Variants in CCSER1 observed in about 807,000 individuals in gnomAD.
The protein encoded by CCSER1 is serine-rich coiled-coil domain-containing protein 1.
A neutral mutation model predicts 82.0 loss-of-function variants in CCSER1; 41 were observed. The observed-to-expected ratio is 0.50, with a 90% CI of 0.39 to 0.65. CCSER1 has a LOEUF of 0.65. CCSER1 is among the 30% of genes least tolerant of loss of function. The pLI is 0.00. For missense variants in CCSER1, 1,119 were observed against 1,064.2 expected, an observed-to-expected ratio of 1.05 and a Z score of -0.72; for synonymous variants, 414 against 383.9, an observed-to-expected ratio of 1.08 and a Z score of -0.92.
intron 10 of CCSER1, among the ~76,000 whole-genome samples, chr4:91,397,524 T>TGG (rs1163378919): frequency 6.6e-6 from 1 of 152,062 alleles, no homozygotes; most frequent in African/African-American, 2.4e-5. Context: ...ACAGCAGCAC[T>TGG]GGATTAATTA....
At chr4:90,654,678 GCCTAAC>G (rs1729388922) in intron 6 of CCSER1, among the ~76,000 whole-genome samples, 1 of 151,838 alleles carries the variant, frequency 6.6e-6, no homozygotes, top group Non-Finnish European at 1.5e-5. Flanking sequence ...TTTATTGTAC[GCCTAAC>G]CCTCTCTCAG....
intron 4 of CCSER1, among the ~76,000 whole-genome samples, chr4:90,424,587 G>GAT (rs751789264): frequency 2.0e-5 from 3 of 152,066 alleles, no homozygotes; most frequent in Non-Finnish European, 4.4e-5. Flanking sequence ...TCACATATAA[G>GAT]ATACTACACT....
intron 10 of CCSER1, among the ~76,000 whole-genome samples, chr4:91,166,355 G>A (rs1423639007): frequency 1.3e-5 from 2 of 151,818 alleles, no homozygotes; most frequent in African/African-American, 4.8e-5. Context: ...ACTATATACT[G>A]GTGATTAAAA....
intron 6 of CCSER1, among the ~76,000 whole-genome samples, chr4:90,643,173 T>A (rs1057381700): frequency 6.6e-6 from 1 of 152,226 alleles, no homozygotes; most frequent in Admixed American, 6.5e-5. Context: ...AAACTTTTTC[T>A]GTCAAGGCTA....
chr4:91,481,151 T>G (rs1352911499), intron 10 of CCSER1, among the ~76,000 whole-genome samples: 6 of 149,478 alleles, frequency 4.0e-5, no homozygotes, highest in Non-Finnish European at 7.4e-5. Context: ...TGACATGCAG[T>G]GTTTGAATGA....
At chr4:91,292,901 T>A (rs1743863856) in intron 10 of CCSER1, among the ~76,000 whole-genome samples, 1 of 151,962 alleles carries the variant, frequency 6.6e-6, no homozygotes, top group Non-Finnish European at 1.5e-5. Context: ...CTCATTATGA[T>A]CTGTTATCTC....
intron 1 of CCSER1, among the ~76,000 whole-genome samples, chr4:90,302,520 A>C (rs1733352570): frequency 6.6e-6 from 1 of 152,104 alleles, no homozygotes; most frequent in Admixed American, 6.6e-5. Flanking sequence ...GGCAGTCATG[A>C]CCAAGTGCAG....
At chr4:90,421,592 T>C (rs1756697917) in intron 4 of CCSER1, among the ~76,000 whole-genome samples, 1 of 152,172 alleles carries the variant, frequency 6.6e-6, no homozygotes, top group Admixed American at 6.5e-5. Flanking sequence ...ATGAATGTGG[T>C]TTAAGGCAGA....
At position 90,941,651 on chromosome 4, in the gene CCSER1, A is replaced by T. The variant is rs544801825; in HGVS notation, c.2172+18204A>T. Among the ~76,000 whole-genome samples the T allele has an allele frequency of 9.2e-5, 14 of 152,262 alleles. No homozygotes were observed. The South Asian group carries it at 2.7e-3, about 29-fold the overall frequency. On this transcript the variant is annotated intron_variant, in intron 9 of 10. Transcript: ENST00000509176. ...TACTCTCCAAATACAGTTATATACT[A>T]TTTTCAATTTTTAATATATAATCAC...
chr4:91,048,183 A>G (rs1307835633), intron 9 of CCSER1, among the ~76,000 whole-genome samples: 1 of 152,078 alleles, frequency 6.6e-6, no homozygotes, highest in Non-Finnish European at 1.5e-5. Flanking sequence ...GGTAACTGCC[A>G]GAATTACTTA....
intron 4 of CCSER1, among the ~76,000 whole-genome samples, chr4:90,462,116 A>G (rs1042806544): frequency 6.8e-6 from 1 of 146,334 alleles, no homozygotes; most frequent in African/African-American, 2.8e-5. Context: ...TATAGGCACT[A>G]AAAAGAAATA....
chr4:90,326,916 A>G (rs1738324906), intron 3 of CCSER1, among the ~76,000 whole-genome samples: 1 of 152,226 alleles, frequency 6.6e-6, no homozygotes, highest in Admixed American at 6.5e-5. Context: ...ACTCAGTGAT[A>G]CAGCATAGAT....
intron 10 of CCSER1, among the ~76,000 whole-genome samples, chr4:91,579,617 A>C (rs1763634344): frequency 6.6e-6 from 1 of 151,854 alleles, no homozygotes; most frequent in Non-Finnish European, 1.5e-5. Context: ...TCTGTGGTAT[A>C]AGGCTAGCCA....
chr4:90,766,415 A>C (rs1419446641), intron 7 of CCSER1, among the ~76,000 whole-genome samples: 2 of 152,184 alleles, frequency 1.3e-5, no homozygotes, highest in African/African-American at 4.8e-5. Context: ...CTGAATGCTC[A>C]CCCAGAAAGC....
chr4:91,332,829 G>T (rs1047807424), intron 10 of CCSER1, among the ~76,000 whole-genome samples: 2 of 151,780 alleles, frequency 1.3e-5, no homozygotes, highest in Non-Finnish European at 2.9e-5. Flanking sequence ...ATATAAAAAG[G>T]CCTTGTCATT....
chr4:91,101,293 T>C (rs141465792), intron 10 of CCSER1, among the ~76,000 whole-genome samples: 1 of 152,324 alleles, frequency 6.6e-6, no homozygotes, highest in Non-Finnish European at 1.5e-5. Context: ...CTAATTTAAA[T>C]TGTACCTGGT....
At chr4:91,156,972 G>T (rs760835314) in intron 10 of CCSER1, among the ~76,000 whole-genome samples, 1 of 151,796 alleles carries the variant, frequency 6.6e-6, no homozygotes, top group Non-Finnish European at 1.5e-5. Flanking sequence ...TTCCATGTAC[G>T]ACGTTACTGA....
At chr4:91,079,078 C>A (rs142849589) in intron 9 of CCSER1, among the ~76,000 whole-genome samples, 1 of 152,062 alleles carries the variant, frequency 6.6e-6, no homozygotes, top group African/African-American at 2.4e-5. Context: ...ATACAGAGAA[C>A]GCCACAAAGA....
chr4:90,885,168 G>A (rs1055062850), intron 8 of CCSER1, among the ~76,000 whole-genome samples: 1 of 151,972 alleles, frequency 6.6e-6, no homozygotes, highest in African/African-American at 2.4e-5. Context: ...CAATAACCAT[G>A]AGACTCCTTC....
Sources: gnomAD v4.1 joint callset for allele counts (sites outside exome capture counted in the v4.1 genomes callset) on GRCh38, gnomAD v4.1.1 for gene constraint, MANE v1.5 for transcripts, NCBI Gene and HGNC (gene_info 2026-07-23, HGNC 2026-07-21) for gene names.